The following GPD1L variants were observed in gnomAD, a reference collection of about 807,000 sequenced individuals.
GPD1L encodes the protein glycerol-3-phosphate dehydrogenase 1 like, also known as glycerol-3-phosphate dehydrogenase 1-like protein.
In GPD1L, 17 loss-of-function variants were observed where a neutral mutation model predicts 32.9. The ratio of observed to expected loss-of-function variants is 0.52; its 90% CI spans 0.35 to 0.78. The LOEUF is 0.78. Among genes scored for constraint, GPD1L ranks in the 30% least tolerant of loss-of-function variants. The probability of loss-of-function intolerance (pLI) is 0.01; values close to 1 mark genes in which losing one functional copy is unlikely to be tolerated. For synonymous variants in GPD1L, 187 were observed against 165.9 expected (o/e 1.13, Z -0.98); for missense variants, 361 against 447.8 (o/e 0.81, Z 1.75).
chr3:32,115,533 T>A (rs17029918), intron 1 of GPD1L, among the ~76,000 whole-genome samples: 3,524 of 152,216 alleles, frequency 0.023, 148 homozygotes, highest in African/African-American at 0.077. Flanking sequence ...ACCCGGTTTT[T>A]CCAGTGCTGA....
intron 1 of GPD1L, among the ~76,000 whole-genome samples, chr3:32,115,478 T>C (rs558271570): frequency 1.3e-5 from 2 of 152,340 alleles, no homozygotes; most frequent in South Asian, 2.1e-4. Context: ...CAGAGTCACA[T>C]GTATGTCCTA....
chr3:32,139,532 G>A (rs986488884), intron 3 of GPD1L, among the ~76,000 whole-genome samples: 10 of 152,122 alleles, frequency 6.6e-5, no homozygotes. Context: ...GAAATTCTGA[G>A]AATGAGTCCA....
chr3:32,165,033 G>A (rs763378462), intron 7 of GPD1L, among the ~76,000 whole-genome samples: 1 of 152,042 alleles, frequency 6.6e-6, no homozygotes, highest in African/African-American at 2.4e-5. Flanking sequence ...GTAAAACCCC[G>A]TCTCTACTAA....
intron 2 of GPD1L, among the ~76,000 whole-genome samples, chr3:32,130,552 A>G (rs1384465352): frequency 6.6e-6 from 1 of 152,074 alleles, no homozygotes; most frequent in Non-Finnish European, 1.5e-5. Flanking sequence ...CACACTCATC[A>G]TGTGGCCCCT....
chr3:32,129,884 A>T (rs1357516254), intron 2 of GPD1L, among the ~76,000 whole-genome samples: 6 of 152,092 alleles, frequency 3.9e-5, no homozygotes, highest in African/African-American at 1.4e-4. Context: ...TCTCATTTTT[A>T]TCAGAATTGG....
chr3:32,150,667 A>T (rs1700906719), intron 5 of GPD1L, among the ~76,000 whole-genome samples: 1 of 152,050 alleles, frequency 6.6e-6, no homozygotes, highest in African/African-American at 2.4e-5. Flanking sequence ...TTGTATTTTT[A>T]GTAGAGATAG....
chr3:32,166,169 ATG>A lies in GPD1L; in HGVS notation c.*261_*262del, dbSNP rs1447829645. ...GGATGTTTCTATGAGCCAAAATTTG[ATG>A]TCTTTTTTTCAAAATTGCTTATGAA... is the stretch of plus-strand genomic sequence containing the variant. On this transcript the variant is annotated 3_prime_UTR_variant, in exon 8 of 8. Coordinates refer to ENST00000282541, the MANE Select transcript of GPD1L (RefSeq NM_015141.4). The A allele has an allele frequency of 5.8e-6, 3 of 512,836 alleles. No individual in the cohort carries two copies. The highest frequency in any genetic ancestry group is 1.1e-5 in the Non-Finnish European group (3 of 284,788). The allele number at this position is 512,836 out of a possible 1,614,324, so 31.8% of individuals were successfully genotyped here.
intron 5 of GPD1L, among the ~76,000 whole-genome samples, chr3:32,147,530 A>G (rs1035169646): frequency 1.5e-4 from 23 of 152,322 alleles, no homozygotes; most frequent in Middle Eastern, 3.4e-3. Flanking sequence ...ACTTGGGGGA[A>G]CAACCAACAG....
At chr3:32,140,098 GGC>G (rs1368130550) in intron 3 of GPD1L, 128 bp from the exon 4 acceptor site, 3 of 867,106 alleles carry the variant, frequency 3.5e-6, no homozygotes, top group Non-Finnish European at 5.9e-6. Context: ...GCTGTACATA[GGC>G]AGTATAGATG....
chr3:32,129,399 C>T (rs1479460075), intron 2 of GPD1L, among the ~76,000 whole-genome samples: 1 of 152,188 alleles, frequency 6.6e-6, no homozygotes, highest in Non-Finnish European at 1.5e-5. Flanking sequence ...GTTTTAGTTA[C>T]AGTGTTCGTT....
intron 1 of GPD1L, among the ~76,000 whole-genome samples, chr3:32,127,049 G>T (rs1401697103): frequency 6.6e-6 from 1 of 152,058 alleles, no homozygotes; most frequent in African/African-American, 2.4e-5. Flanking sequence ...ATTATATTTG[G>T]GTTAGAATAA....
At chr3:32,109,941 G>A (rs1024945520) in intron 1 of GPD1L, among the ~76,000 whole-genome samples, 1 of 152,196 alleles carries the variant, frequency 6.6e-6, no homozygotes, top group African/African-American at 2.4e-5. Flanking sequence ...TTCTTGAGAC[G>A]GAGTCTCGCT....
At chr3:32,124,394 T>C (rs1015629899) in intron 1 of GPD1L, among the ~76,000 whole-genome samples, 3 of 152,182 alleles carry the variant, frequency 2.0e-5, no homozygotes, top group African/African-American at 4.8e-5. Flanking sequence ...GTGCCACTTA[T>C]AAGTAGACTC....
chr3:32,166,775 A>C lies in GPD1L; in HGVS notation c.*865A>C, dbSNP rs920728423. On this transcript the variant is annotated 3_prime_UTR_variant, in exon 8 of 8. Coordinates refer to ENST00000282541, the MANE Select transcript of GPD1L (RefSeq NM_015141.4). The stretch of plus-strand genomic sequence containing the variant: ...TCCTGGTCACCTAGTGAGCAGGGAC[A>C]GAGCCAGGAGTCAAGTGCAGTGCCA... 2.0e-5 allele frequency: 3 copies of C among 152,504 alleles called. No individual in the cohort carries two copies. Among genetic ancestry groups the C allele is most frequent in the African/African-American group, 7.2e-5 (3 of 41,462 alleles). The allele number at this position is 152,504 out of a possible 1,614,324, so 9.4% of individuals were successfully genotyped here. A position where few individuals can be genotyped will look rare whatever the true frequency, so the allele number is the denominator to read the frequency against.
intron 1 of GPD1L, among the ~76,000 whole-genome samples, chr3:32,118,003 C>T (rs182733262): frequency 2.0e-5 from 3 of 152,282 alleles, no homozygotes; most frequent in Non-Finnish European, 4.4e-5. Flanking sequence ...TGTGGTCCAT[C>T]CCAAACTGCT....
intron 5 of GPD1L, among the ~76,000 whole-genome samples, chr3:32,150,640 C>T (rs1700906170): frequency 6.6e-6 from 1 of 152,196 alleles, no homozygotes; most frequent in South Asian, 2.1e-4. Flanking sequence ...GTGCATTCCA[C>T]CACACCCAGT....
chr3:32,121,489 CTATATATATT>C lies in GPD1L; in HGVS notation c.48-6585_48-6576del, dbSNP rs1559570428. Among the ~76,000 whole-genome samples, 22 of 90,832 alleles carry C rather than the reference CTATATATATT, an allele frequency of 2.4e-4. 1 individual carries two copies. Among genetic ancestry groups the C allele is most frequent in the Middle Eastern group, 6.1e-3 (1 of 164 alleles). 59.6% of individuals were successfully genotyped at this position (90,832 alleles called of 152,430 possible). On this transcript the variant is annotated intron_variant, in intron 1 of 7. Transcript: ENST00000282541. The stretch of plus-strand genomic sequence containing the variant: ...TATTTCTCTCTATATATATTTCTCT[CTATATATATT>C]TCTCTCTATATATATTTCTCTCTAT...
intron 5 of GPD1L, among the ~76,000 whole-genome samples, chr3:32,155,185 G>C (rs1171539853): frequency 1.3e-5 from 2 of 152,192 alleles, no homozygotes; most frequent in African/African-American, 4.8e-5. Context: ...AGGGGACAGA[G>C]CGGGCTGCAA....
At chr3:32,121,368 G>A (rs1413476030) in intron 1 of GPD1L, among the ~76,000 whole-genome samples, 1 of 151,332 alleles carries the variant, frequency 6.6e-6, no homozygotes, top group African/African-American at 2.4e-5. Context: ...TACTGCTGCC[G>A]GGAAGGTACC....
Sources: gnomAD v4.1 joint callset for allele counts (sites outside exome capture counted in the v4.1 genomes callset) on GRCh38, gnomAD v4.1.1 for gene constraint, MANE v1.5 for transcripts, NCBI Gene and HGNC (gene_info 2026-07-23, HGNC 2026-07-21) for gene names.